SIM1: variants seen among roughly 807,000 people sequenced by gnomAD.
SIM1 encodes SIM bHLH transcription factor 1.
SIM1 carries 18 observed loss-of-function variants against 78.2 expected under a neutral mutation model. The observed-to-expected ratio is 0.23, with a 90% CI of 0.16 to 0.34. The LOEUF (loss-of-function observed/expected upper bound fraction) is 0.34, where lower values mean the gene tolerates loss of function less well. SIM1 is among the 10% of genes least tolerant of loss of function. SIM1 has a pLI of 1.00. For synonymous variants in SIM1, 417 were observed against 385.2 expected (o/e 1.08, Z -0.97); for missense variants, 939 against 975.1 (o/e 0.96, Z 0.49).
rs747010066 is a variant in SIM1, at chr6:100,390,469, G to T, written c.2193C>A (p.Ser731=). 7 of 1,614,010 alleles carry T rather than the reference G, an allele frequency of 4.3e-6. 1 individual carries two copies. In the African/African-American group the frequency reaches 9.3e-5, roughly 22 times the overall value. Residue 731 remains serine, a synonymous_variant, in exon 12 of 12, where the codon TCC becomes TCA. Coordinates refer to ENST00000369208, the MANE Select transcript of SIM1 (RefSeq NM_005068.3). ...LYDSETIRNY[S]LGCNGSHFDV... is the part of the protein sequence containing the mutation. ...CAAAGTGTGAGCCATTACAGCCCAA[G>T]GAATAGTTTCTAATGGTTTCGCTGT...
intron 9 of SIM1, among the ~76,000 whole-genome samples, chr6:100,422,006 T>TC (rs59503250): frequency 0.17 from 25,505 of 152,004 alleles, 2,752 homozygotes; most frequent in East Asian, 0.43. Context: ...AAATCAAAAG[T>TC]CCCCAAGCCC....
At chr6:100,439,707 T>C (rs371535174) in intron 9 of SIM1, among the ~76,000 whole-genome samples, 3 of 152,294 alleles carry the variant, frequency 2.0e-5, no homozygotes, top group South Asian at 4.1e-4. Context: ...ATTGGTAAAG[T>C]TGACAAAACA....
At chr6:100,461,878 G>C (rs1313491954) in intron 2 of SIM1, among the ~76,000 whole-genome samples, 2 of 117,012 alleles carry the variant, frequency 1.7e-5, no homozygotes, top group African/African-American at 4.0e-5. Context: ...AGGTACTTTA[G>C]GCTTTCATTT....
At chr6:100,437,429 C>T (rs73509402) in intron 9 of SIM1, 4 of 152,164 alleles carry the variant, frequency 2.6e-5, no homozygotes, top group African/African-American at 9.6e-5. Flanking sequence ...CTAATATATA[C>T]CTCATATTTT....
intron 9 of SIM1, among the ~76,000 whole-genome samples, chr6:100,446,326 A>T (rs1376894826): frequency 1.3e-5 from 2 of 152,182 alleles, no homozygotes; most frequent in Non-Finnish European, 2.9e-5. Flanking sequence ...CATTCTACTA[A>T]GTGCCTGGTG....
At chr6:100,425,780 C>G (rs1043931464) in intron 9 of SIM1, among the ~76,000 whole-genome samples, 1 of 152,170 alleles carries the variant, frequency 6.6e-6, no homozygotes, top group African/African-American at 2.4e-5. Flanking sequence ...TTTCTGGTAT[C>G]ACATATGTCC....
chr6:100,441,979 T>A (rs1506080), intron 9 of SIM1, among the ~76,000 whole-genome samples: 40,383 of 151,998 alleles, frequency 0.27, 5,618 homozygotes, highest in East Asian at 0.4. Flanking sequence ...AACAGCAGGA[T>A]GCAGTAGGAG....
chr6:100,459,907 C>T (rs1189694178), intron 2 of SIM1, among the ~76,000 whole-genome samples: 1 of 152,168 alleles, frequency 6.6e-6, no homozygotes, highest in East Asian at 1.9e-4. Context: ...CAAATAAAGT[C>T]ATGCTATTTT....
chr6:100,424,087 T>A (rs926289161), intron 9 of SIM1, among the ~76,000 whole-genome samples: 1 of 101,504 alleles, frequency 9.9e-6, no homozygotes, highest in African/African-American at 3.9e-5. Context: ...CCGCCCAGGG[T>A]ACGCATCTCA....
chr6:100,461,444 G>T (rs1435100265), intron 2 of SIM1, among the ~76,000 whole-genome samples: 1 of 152,166 alleles, frequency 6.6e-6, no homozygotes, highest in African/African-American at 2.4e-5. Context: ...GCCCCAGAAC[G>T]CCGCCCTGCT....
intron 10 of SIM1, among the ~76,000 whole-genome samples, chr6:100,394,613 C>A (rs34501046): frequency 2.6e-5 from 4 of 151,858 alleles, no homozygotes; most frequent in African/African-American, 4.8e-5. Context: ...CTTTGTTGTC[C>A]AAGCTGGTCT....
At chr6:100,458,293 G>A (rs1348346099) in intron 2 of SIM1, among the ~76,000 whole-genome samples, 1 of 152,168 alleles carries the variant, frequency 6.6e-6, no homozygotes, top group African/African-American at 2.4e-5. Context: ...CTGGGACTCC[G>A]GGTCTTCGAA....
In SIM1 at chr6:100,393,645, C is replaced by A. The variant is rs367796843; in HGVS notation, c.1412G>T (p.Arg471Leu). The stretch of plus-strand genomic sequence containing the variant: ...CAGGAAGTACCTGCCTGCCTCACAT[C>A]GGCCTCCTTCACAGGCCTGGGTATG... ...HFHTQACEGGRCEAGRYFLGT... is the reference protein window; with the variant it reads ...HFHTQACEGGLCEAGRYFLGT... The change falls in exon 11 of 12, where the codon CGA (arginine) becomes CTA (leucine). Residue 471 changes from arginine to leucine, a missense_variant. Physicochemically the swap from Arg to Leu is moderately radical, Grantham distance 102 (BLOSUM62 -2). Transcript: ENST00000369208. 6.2e-7 allele frequency: 1 copy of A among 1,614,096 alleles called. No homozygotes were observed. The highest frequency in any genetic ancestry group is 8.5e-7 in the Non-Finnish European group (1 of 1,179,934).
rs750404948 is a variant in SIM1, at chr6:100,425,256, C to CT, written c.999-4299dup. Among the ~76,000 whole-genome samples, 43 of 152,160 alleles carry CT rather than the reference C, an allele frequency of 2.8e-4. No homozygotes were observed. In the South Asian group the frequency reaches 7.9e-3, roughly 28 times the overall value. ...TGGGACTGTAAGTCCAATTAAACCTCTTTTTTTTCCCAGTCTTGGGCATGT... is the reference window on the plus strand; with the variant it reads ...TGGGACTGTAAGTCCAATTAAACCTCTTTTTTTTTCCCAGTCTTGGGCATGT... On this transcript the variant is annotated intron_variant, in intron 9 of 11. Transcript: ENST00000369208.
chr6:100,450,665 G>GTCTCTCTCTCTCTC lies in SIM1; in HGVS notation c.259-323_259-310dup, dbSNP rs374252955. Among the ~76,000 whole-genome samples the GTCTCTCTCTCTCTC allele has an allele frequency of 2.7e-3, 318 of 117,262 alleles. 4 individuals carry two copies. Among genetic ancestry groups the GTCTCTCTCTCTCTC allele is most frequent in the Admixed American group, 4.5e-3 (51 of 11,254 alleles). The allele number at this position is 117,262 out of a possible 152,430, so 76.9% of individuals were successfully genotyped here. On this transcript the variant is annotated intron_variant, in intron 3 of 11. Coordinates refer to ENST00000369208, the MANE Select transcript of SIM1 (RefSeq NM_005068.3). Reference sequence around the variant, plus strand: ...TACATCCATAAAACACACACACACTGTCTCTCTCTCTCTCTCTCTCTCTCT... The same window carrying GTCTCTCTCTCTCTC: ...TACATCCATAAAACACACACACACTGTCTCTCTCTCTCTCTCTCTCTCTCTCTCTCTCTCTCTCT...
chr6:100,455,257 C>T (rs556655566), intron 2 of SIM1, among the ~76,000 whole-genome samples: 62 of 152,292 alleles, frequency 4.1e-4, no homozygotes, highest in Non-Finnish European at 8.5e-4. Flanking sequence ...ACTCTGCAAA[C>T]ACTGATGCTC....
At chr6:100,463,120 G>A (rs1772896657) in intron 2 of SIM1, 174 bp downstream of exon 2, 2 of 544,550 alleles carry the variant, frequency 3.7e-6, no homozygotes, top group Admixed American at 3.2e-5. Flanking sequence ...TCAAAAAAGC[G>A]ACAGAAATTC....
chr6:100,395,605 G>C lies in SIM1; in HGVS notation c.1168-1716C>G, dbSNP rs146975760. On this transcript the variant is annotated intron_variant, in intron 10 of 11. Transcript: ENST00000369208. The stretch of plus-strand genomic sequence containing the variant: ...TTATTTCTTACCCCAGAATAAACAG[G>C]GGTGGGCACATGTGGTGTTGTGGAG... 3.4e-3 allele frequency among the ~76,000 whole-genome samples: 512 copies of C among 152,264 alleles called. 2 individuals are homozygous for C. The highest frequency in any genetic ancestry group is 0.012 in the African/African-American group (501 of 41,564).
intron 10 of SIM1, among the ~76,000 whole-genome samples, chr6:100,412,673 G>A (rs1188516258): frequency 1.5e-3 from 156 of 103,582 alleles, no homozygotes; most frequent in Middle Eastern, 4.8e-3. Context: ...GAGAGAGAGA[G>A]AAAGAAAGAA....
Sources: allele counts gnomAD v4.1 joint callset (sites outside exome capture counted in the v4.1 genomes callset), GRCh38; gene constraint gnomAD v4.1.1; transcripts MANE v1.5; gene names NCBI Gene and HGNC (gene_info 2026-07-23, HGNC 2026-07-21).